GRID1: variants seen among roughly 807,000 people sequenced by gnomAD.
The protein encoded by GRID1 is glutamate ionotropic receptor delta type subunit 1.
Under a neutral mutation model 98.0 loss-of-function variants are expected in GRID1, and 28 were observed. The ratio of observed to expected loss-of-function variants is 0.29; its 90% confidence interval spans 0.21 to 0.39. The LOEUF is 0.39. GRID1 is among the 10% of genes least tolerant of loss of function. The pLI, the probability that GRID1 is intolerant of heterozygous loss-of-function variation, is 1.00. For missense variants in GRID1, 1,111 were observed against 1,340.5 expected, an observed-to-expected ratio of 0.83 and a Z score of 2.67; for synonymous variants, 553 against 538.5, an observed-to-expected ratio of 1.03 and a Z score of -0.37.
At chr10:86,167,704 TG>T (rs1845420712) in intron 3 of GRID1, among the ~76,000 whole-genome samples, 1 of 152,206 alleles carries the variant, frequency 6.6e-6, no homozygotes, top group Non-Finnish European at 1.5e-5. Flanking sequence ...CCACCACCAC[TG>T]CAGAGTCGGC....
At chr10:85,952,689 G>T in intron 4 of GRID1, among the ~76,000 whole-genome samples, 1 of 152,132 alleles carries the variant, frequency 6.6e-6, no homozygotes, top group Non-Finnish European at 1.5e-5. Context: ...CTTGCAAATT[G>T]AACAACATCT....
intron 8 of GRID1, among the ~76,000 whole-genome samples, chr10:85,763,899 ATC>A (rs1462063017): frequency 1.2e-4 from 18 of 152,172 alleles, no homozygotes; most frequent in Admixed American, 1.2e-3. Context: ...AAATAATTTC[ATC>A]TCTGTGTGGG....
At chr10:85,934,856 A>G (rs1435362554) in intron 4 of GRID1, among the ~76,000 whole-genome samples, 2 of 152,134 alleles carry the variant, frequency 1.3e-5, no homozygotes, top group Non-Finnish European at 2.9e-5. Flanking sequence ...CAGGTTAGTA[A>G]GCACTGATCC....
chr10:86,022,014 A>G (rs960176574), intron 4 of GRID1, among the ~76,000 whole-genome samples: 11 of 152,212 alleles, frequency 7.2e-5, no homozygotes, highest in African/African-American at 2.7e-4. Flanking sequence ...AAAAGGGTAA[A>G]AAGAAACCGA....
intron 2 of GRID1, among the ~76,000 whole-genome samples, chr10:86,207,374 G>C (rs1380052361): frequency 1.3e-5 from 2 of 152,206 alleles, no homozygotes; most frequent in East Asian, 3.9e-4. Flanking sequence ...TACCACGGGT[G>C]TGGAGGAGGA....
chr10:86,207,658 G>C (rs1009568242), intron 2 of GRID1, among the ~76,000 whole-genome samples: 2 of 138,530 alleles, frequency 1.4e-5, no homozygotes, highest in Non-Finnish European at 3.0e-5. Context: ...TTGAGACGGA[G>C]TTTCGCTCTG....
Position 85,602,035 on chromosome 10 carries a change from A to T in GRID1, c.*238T>A. The stretch of plus-strand genomic sequence containing the variant: ...TTTATTCATATAGAACAAAATTTAC[A>T]AAGTCATTCATACAGTTTTTGTGTT... On this transcript the variant is annotated 3_prime_UTR_variant, in exon 16 of 16. Transcript: ENST00000327946. 1 of 430,018 alleles carries T rather than the reference A, an allele frequency of 2.3e-6. No individual in the cohort carries two copies. The highest frequency in any genetic ancestry group is 2.0e-5 in the African/African-American group (1 of 49,870). 26.6% of individuals were successfully genotyped at this position (430,018 alleles called of 1,614,324 possible). A position where few individuals can be genotyped will look rare whatever the true frequency, so the allele number is the denominator to read the frequency against.
At chr10:85,781,805 GA>G (rs59791810) in intron 8 of GRID1, among the ~76,000 whole-genome samples, 16,301 of 137,466 alleles carry the variant, frequency 0.12, 1,121 homozygotes, top group African/African-American at 0.22. Flanking sequence ...TTGTACATTT[GA>G]AAAAAAAAAA....
In GRID1 at chr10:85,898,268, C is replaced by T. The variant is rs181819357; in HGVS notation, c.780+17918G>A. ...ATTGTACAACTGTATAGGACACTTA[C>T]GATGAATGGAGCTTGCAGAACAGGA... On this transcript the variant is annotated intron_variant, in intron 5 of 15. Transcript: ENST00000327946. Among the ~76,000 whole-genome samples, 492 of 152,196 alleles carry T rather than the reference C, an allele frequency of 3.2e-3. 2 individuals are homozygous for T. The highest frequency in any genetic ancestry group is 0.012 in the African/African-American group (481 of 41,502).
chr10:86,104,889 G>C (rs951070821), intron 4 of GRID1, among the ~76,000 whole-genome samples: 3 of 152,202 alleles, frequency 2.0e-5, no homozygotes, highest in Non-Finnish European at 4.4e-5. Context: ...CGGACAGGGG[G>C]GCAAAAGGTA....
chr10:86,251,934 G>T (rs1846841615), intron 2 of GRID1, among the ~76,000 whole-genome samples: 1 of 152,226 alleles, frequency 6.6e-6, no homozygotes, highest in Non-Finnish European at 1.5e-5. Context: ...ATTGCCTAAA[G>T]GAGTCATCTG....
At chr10:85,625,727 A>T (rs1396044254) in intron 13 of GRID1, among the ~76,000 whole-genome samples, 1 of 152,176 alleles carries the variant, frequency 6.6e-6, no homozygotes, top group Admixed American at 6.5e-5. Flanking sequence ...CACTTACAGC[A>T]TCCTCCCTAA....
At chr10:85,624,364 G>T (rs1172341568) in intron 13 of GRID1, among the ~76,000 whole-genome samples, 1 of 152,128 alleles carries the variant, frequency 6.6e-6, no homozygotes. Flanking sequence ...CAATGCCTTA[G>T]CATAAGGCTG....
intron 4 of GRID1, among the ~76,000 whole-genome samples, chr10:86,020,138 G>A (rs1843031332): frequency 6.6e-6 from 1 of 152,230 alleles, no homozygotes; most frequent in Admixed American, 6.5e-5. Flanking sequence ...TCCCCTCAGA[G>A]GGCTGGCAGT....
At chr10:85,647,429 A>G in intron 12 of GRID1, 32 bp from the exon 13 acceptor site, 2 of 1,553,044 alleles carry the variant, frequency 1.3e-6, no homozygotes, top group East Asian at 2.2e-5. Flanking sequence ...AGGCATGAGT[A>G]CATGCTGTGC....
intron 12 of GRID1, among the ~76,000 whole-genome samples, chr10:85,721,454 C>T (rs1045593615): frequency 1.3e-5 from 2 of 152,092 alleles, no homozygotes; most frequent in Non-Finnish European, 2.9e-5. Flanking sequence ...AGATGTCCTC[C>T]AATGGGGGAA....
At chr10:85,763,526 G>A (rs1842168961) in intron 8 of GRID1, among the ~76,000 whole-genome samples, 1 of 152,174 alleles carries the variant, frequency 6.6e-6, no homozygotes, top group Non-Finnish European at 1.5e-5. Context: ...TCTCATAACT[G>A]TGACAATTTA....
chr10:86,251,323 A>ACG (rs1425798283), intron 2 of GRID1, among the ~76,000 whole-genome samples: 1 of 151,378 alleles, frequency 6.6e-6, no homozygotes, highest in Non-Finnish European at 1.5e-5. Context: ...CCTCTCCGAG[A>ACG]AACACCCAAG....
At chr10:85,897,445 G>A (rs1192379147) in intron 5 of GRID1, among the ~76,000 whole-genome samples, 1 of 152,210 alleles carries the variant, frequency 6.6e-6, no homozygotes, top group Non-Finnish European at 1.5e-5. Flanking sequence ...AACCAGAGGA[G>A]AAGCCTTGGA....
Sources: allele counts gnomAD v4.1 joint callset (sites outside exome capture counted in the v4.1 genomes callset), GRCh38; gene constraint gnomAD v4.1.1; transcripts MANE v1.5; gene names NCBI Gene and HGNC (gene_info 2026-07-23, HGNC 2026-07-21).